Variants in KCNH1 observed in about 807,000 individuals in gnomAD.
KCNH1 encodes the protein potassium voltage-gated channel subfamily H member 1.
Under a neutral mutation model 69.2 loss-of-function variants are expected in KCNH1, and 27 were observed. That is an observed-to-expected ratio of 0.39 (90% CI 0.29 to 0.54). The LOEUF is 0.54. KCNH1 is among the 20% of genes least tolerant of loss of function. The pLI, the probability that KCNH1 is intolerant of heterozygous loss-of-function variation, is 0.68. For synonymous variants in KCNH1, 456 were observed against 487.7 expected (o/e 0.93, Z 0.86); for missense variants, 798 against 1,261.6 (o/e 0.63, Z 5.57).
At chr1:210,843,867 C>T (rs537906497) in intron 7 of KCNH1, among the ~76,000 whole-genome samples, 1 of 152,288 alleles carries the variant, frequency 6.6e-6, no homozygotes, top group African/African-American at 2.4e-5. Context: ...TACAACTCTG[C>T]TTCAGAAACA....
At chr1:211,130,411 A>T (rs1472363046) in intron 1 of KCNH1, among the ~76,000 whole-genome samples, 2 of 152,202 alleles carry the variant, frequency 1.3e-5, no homozygotes, top group Non-Finnish European at 2.9e-5. Context: ...ACAGGCCTAA[A>T]CAGTCGCAGC....
intron 6 of KCNH1, among the ~76,000 whole-genome samples, chr1:210,988,686 A>G (rs1688888640): frequency 6.6e-6 from 1 of 152,216 alleles, no homozygotes; most frequent in African/African-American, 2.4e-5. Flanking sequence ...ATTATGTGAG[A>G]ACAGAAGGCC....
intron 10 of KCNH1, among the ~76,000 whole-genome samples, chr1:210,728,477 A>G (rs955369601): frequency 1.3e-5 from 2 of 152,202 alleles, no homozygotes; most frequent in African/African-American, 4.8e-5. Flanking sequence ...TATAACAATT[A>G]CCAAACATGA....
chr1:210,946,922 G>A (rs947389681), intron 6 of KCNH1, among the ~76,000 whole-genome samples: 3 of 152,126 alleles, frequency 2.0e-5, no homozygotes, highest in African/African-American at 7.2e-5. Context: ...ATCTCAGCCA[G>A]AGCGGCCCCA....
chr1:210,834,229 T>C (rs1685231609), intron 7 of KCNH1, among the ~76,000 whole-genome samples: 1 of 151,430 alleles, frequency 6.6e-6, no homozygotes, highest in Non-Finnish European at 1.5e-5. Context: ...TAAAGACACA[T>C]GCACACGTAT....
intron 10 of KCNH1, among the ~76,000 whole-genome samples, chr1:210,758,729 T>C (rs1683450763): frequency 6.6e-6 from 1 of 152,160 alleles, no homozygotes; most frequent in Non-Finnish European, 1.5e-5. Flanking sequence ...CAGTGCACTA[T>C]TGTGGACTCA....
At chr1:210,802,564 A>G (rs1558475919) in intron 8 of KCNH1, among the ~76,000 whole-genome samples, 1 of 152,226 alleles carries the variant, frequency 6.6e-6, no homozygotes, top group Non-Finnish European at 1.5e-5. Flanking sequence ...GAAAATATGC[A>G]AAGAAAATTC....
At chr1:211,096,429 A>G (rs933427304) in intron 3 of KCNH1, among the ~76,000 whole-genome samples, 93 of 152,026 alleles carry the variant, frequency 6.1e-4, no homozygotes, top group African/African-American at 2.2e-3. Flanking sequence ...GAAATGCCCA[A>G]CCTCATTTCA....
rs1209997694 is a variant in KCNH1 at position 211,133,871 on chromosome 1, G to A, written c.75C>T (p.Ser25=). 6.2e-7 allele frequency: 1 copy of A among 1,609,614 alleles called. No individual in the cohort carries two copies. The highest frequency in any genetic ancestry group is 8.5e-7 in the Non-Finnish European group (1 of 1,178,202). The change falls in exon 1 of 11, where the codon TCC becomes TCT. Residue 25 remains serine, a synonymous_variant. Coordinates refer to ENST00000271751, the MANE Select transcript of KCNH1 (RefSeq NM_172362.3). The surrounding 1 kb of genome is among the most constrained non-coding windows in gnomAD (Gnocchi z 5.4). ...NTFLENIVRR[S]NDTNFVLGNA... is the part of the protein sequence containing the mutation. ...AAATCCGAATGCACCTCTTACCATT[G>A]GACCGCCGAACAATATTCTCCAGAA...
chr1:210,852,395 G>A (rs1051292621), intron 7 of KCNH1, among the ~76,000 whole-genome samples: 1 of 152,262 alleles, frequency 6.6e-6, no homozygotes, highest in Non-Finnish European at 1.5e-5. Flanking sequence ...CTGCAGTGCT[G>A]TGCCTAGCAC....
At chr1:210,861,102 C>A (rs1293160968) in intron 7 of KCNH1, 1 of 873,762 alleles carries the variant, frequency 1.1e-6, no homozygotes. Context: ...AGCTTCTGGG[C>A]AGCAGTGGCA....
intron 7 of KCNH1, among the ~76,000 whole-genome samples, chr1:210,902,382 G>A (rs993991691): frequency 6.6e-6 from 1 of 152,212 alleles, no homozygotes; most frequent in Non-Finnish European, 1.5e-5. Context: ...GCTGACCATG[G>A]TCTCTATTTG....
chr1:211,036,530 A>C (rs561822596), intron 5 of KCNH1, among the ~76,000 whole-genome samples: 26 of 152,324 alleles, frequency 1.7e-4, no homozygotes, highest in Admixed American at 1.7e-3. Flanking sequence ...GGATATAACT[A>C]TCTGGAAAGA....
intron 10 of KCNH1, among the ~76,000 whole-genome samples, chr1:210,720,485 G>T (rs1682426273): frequency 6.6e-6 from 1 of 152,194 alleles, no homozygotes; most frequent in Non-Finnish European, 1.5e-5. Flanking sequence ...AGTCACTCAA[G>T]ACCAAGTTCG....
intron 9 of KCNH1, among the ~76,000 whole-genome samples, chr1:210,794,725 T>C (rs1362822520): frequency 6.6e-6 from 1 of 152,088 alleles, no homozygotes; most frequent in Admixed American, 6.5e-5. Context: ...GAAAGGCATA[T>C]GGTAAGTTAT....
chr1:210,847,481 C>CA (rs1685582598), intron 7 of KCNH1, among the ~76,000 whole-genome samples: 1 of 150,106 alleles, frequency 6.7e-6, no homozygotes, highest in Non-Finnish European at 1.5e-5. Context: ...ATCACAAGGA[C>CA]AAAAAACCAA....
intron 2 of KCNH1, among the ~76,000 whole-genome samples, chr1:211,106,745 AG>A (rs146647128): frequency 0.077 from 11,761 of 152,268 alleles, 687 homozygotes; most frequent in South Asian, 0.17. Context: ...CAGTGAGCCA[AG>A]ATCATGTCAC....
intron 9 of KCNH1, among the ~76,000 whole-genome samples, chr1:210,785,858 T>C (rs1684090652): frequency 6.6e-6 from 1 of 152,156 alleles, no homozygotes; most frequent in African/African-American, 2.4e-5. Flanking sequence ...ATAAGATTTA[T>C]GGAGCAGACC....
intron 10 of KCNH1, among the ~76,000 whole-genome samples, chr1:210,744,345 C>T (rs1187026489): frequency 6.6e-6 from 1 of 152,138 alleles, no homozygotes; most frequent in Admixed American, 6.5e-5. Flanking sequence ...ACATGCAGGG[C>T]TTGATAAAAT....
Sources: gnomAD v4.1 joint callset for allele counts (sites outside exome capture counted in the v4.1 genomes callset) on GRCh38, gnomAD v4.1.1 for gene constraint, Gnocchi (gnomAD v3.1) non-coding constraint, MANE v1.5 for transcripts, NCBI Gene and HGNC (gene_info 2026-07-23, HGNC 2026-07-21) for gene names.